MEI1: variants seen among roughly 807,000 people sequenced by gnomAD.
MEI1 encodes the protein meiosis inhibitor protein 1.
MEI1 carries 103 observed loss-of-function variants against 146.2 expected under a neutral mutation model. The observed-to-expected ratio is 0.70, with a 90% CI of 0.60 to 0.83. MEI1 has a LOEUF of 0.83. Among genes scored for constraint, MEI1 ranks in the 40% least tolerant of loss-of-function variants. MEI1 has a pLI of 0.00. For missense variants in MEI1, 1,529 were observed against 1,533.0 expected, an observed-to-expected ratio of 1.00 and a Z score of 0.04; for synonymous variants, 652 against 628.2, an observed-to-expected ratio of 1.04 and a Z score of -0.57.
chr22:41,785,895 A>ATT (rs139546), intron 26 of MEI1, among the ~76,000 whole-genome samples: 3 of 124,028 alleles, frequency 2.4e-5, no homozygotes, highest in Non-Finnish European at 5.2e-5. Context: ...TTATTTTTTT[A>ATT]TTTTTTTATT....
At chr22:41,785,462 C>T (rs1366387612) in intron 26 of MEI1, among the ~76,000 whole-genome samples, 2 of 150,694 alleles carry the variant, frequency 1.3e-5, no homozygotes, top group African/African-American at 2.4e-5. Flanking sequence ...AAGGTTTTCA[C>T]TGTGTTAGCC....
intron 9 of MEI1, among the ~76,000 whole-genome samples, chr22:41,731,521 A>T (rs1601799883): frequency 6.6e-6 from 1 of 151,676 alleles, no homozygotes; most frequent in Non-Finnish European, 1.5e-5. Context: ...CACCTGGCTA[A>T]TTTTTTTGTA....
chr22:41,748,859 A>C (rs2073530818), intron 15 of MEI1, among the ~76,000 whole-genome samples: 1 of 151,358 alleles, frequency 6.6e-6, no homozygotes, highest in Non-Finnish European at 1.5e-5. Flanking sequence ...GCTGGAGTGC[A>C]GTGGTACGAA....
At chr22:41,746,193 G>A (rs1448491579) in intron 14 of MEI1, 167 bp downstream of exon 14, 2 of 538,050 alleles carry the variant, frequency 3.7e-6, no homozygotes, top group African/African-American at 3.8e-5. Context: ...ATAAAATGTA[G>A]TGTTTGATTA....
chr22:41,772,378 C>T (rs1453106015), intron 20 of MEI1, among the ~76,000 whole-genome samples: 2 of 152,284 alleles, frequency 1.3e-5, no homozygotes, highest in South Asian at 2.1e-4. Context: ...CGTGGCAGCT[C>T]ATGCCTATAA....
At chr22:41,712,672 A>ATGTGTGTGTGTGTGTGTGTGTG (rs140926503) in intron 3 of MEI1, among the ~76,000 whole-genome samples, 3 of 147,004 alleles carry the variant, frequency 2.0e-5, no homozygotes, top group African/African-American at 7.5e-5. Context: ...ATAGAAATAG[A>ATGTGTGTGTGTGTGTGTGTGTG]TGTGTGTGTG....
Position 41,754,016 on chromosome 22 carries a change from C to T in MEI1, c.1921C>T (p.Pro641Ser), listed in dbSNP as rs1484513381. Residue 641 changes from proline to serine, a missense_variant, in exon 17 of 31, where the codon CCA (proline) becomes TCA (serine). Physicochemically the swap from Pro to Ser is moderately conservative, Grantham distance 74. Coordinates refer to ENST00000401548, the MANE Select transcript of MEI1 (RefSeq NM_152513.4). Reference sequence around the variant, plus strand: ...TATGTGCCTCAACCTTCTCTCAGCTCCAGAGAAGACAGGACCACCTTCCAA... The same window carrying T: ...TATGTGCCTCAACCTTCTCTCAGCTTCAGAGAAGACAGGACCACCTTCCAA... ...YYMCLNLLSA[P>S]EKTGPPSKEE... 2 of 1,613,272 alleles carry T rather than the reference C, an allele frequency of 1.2e-6. No homozygotes were observed. The highest frequency in any genetic ancestry group is 2.7e-5 in the African/African-American group (2 of 74,906).
At chr22:41,782,444 G>C (rs1026853083) in intron 24 of MEI1, among the ~76,000 whole-genome samples, 2 of 152,188 alleles carry the variant, frequency 1.3e-5, no homozygotes, top group African/African-American at 2.4e-5. Context: ...GAGGAGAGCA[G>C]TGGACTTATC....
intron 14 of MEI1, among the ~76,000 whole-genome samples, chr22:41,746,684 T>G (rs2073312550): frequency 6.6e-6 from 1 of 152,162 alleles, no homozygotes; most frequent in Admixed American, 6.6e-5. Context: ...TTGGGCATCC[T>G]ATGAGCCTGT....
rs985785359 is a variant in MEI1 at position 41,737,275 on chromosome 22, C to G, written c.1331+4672C>G. On this transcript the variant is annotated intron_variant, in intron 11 of 30. Coordinates refer to ENST00000401548, the MANE Select transcript of MEI1 (RefSeq NM_152513.4). ...TTTTTGAGACGGAGTCTTGCTCTGT[C>G]GCCCAGGCTGGAGTGCAGTGGCGCG... Among the ~76,000 whole-genome samples, 4 of 151,458 alleles carry G rather than the reference C, an allele frequency of 2.6e-5. No homozygotes were observed. The South Asian group carries it at 6.3e-4, about 24-fold the overall frequency.
At chr22:41,788,475 C>CT (rs377200826) in intron 26 of MEI1, among the ~76,000 whole-genome samples, 18 of 152,204 alleles carry the variant, frequency 1.2e-4, no homozygotes, top group African/African-American at 4.3e-4. Flanking sequence ...TAGTCTTGCT[C>CT]TGTCACCCAG....
rs192371667 is a variant in MEI1 at position 41,724,694 on chromosome 22, G to A, written c.864+621G>A. 2.0e-3 allele frequency among the ~76,000 whole-genome samples: 305 copies of A among 152,216 alleles called. 2 individuals carry two copies. Among genetic ancestry groups the A allele is most frequent in the Middle Eastern group, 0.017 (5 of 294 alleles). On this transcript the variant is annotated intron_variant, in intron 7 of 30. Coordinates refer to ENST00000401548, the MANE Select transcript of MEI1 (RefSeq NM_152513.4). ...TAATCCCAGCTACTCAGGAGGCTGA[G>A]GTGGGAGGATTGCTCGAACCCAGGA...
chr22:41,735,852 C>T (rs1242258005), intron 11 of MEI1, among the ~76,000 whole-genome samples: 2 of 152,306 alleles, frequency 1.3e-5, no homozygotes, highest in East Asian at 3.9e-4. Context: ...TGCTCTCAGC[C>T]ACTCACAGAG....
At chr22:41,723,554 T>G (rs886970494) in intron 6 of MEI1, among the ~76,000 whole-genome samples, 3 of 152,038 alleles carry the variant, frequency 2.0e-5, no homozygotes, top group African/African-American at 7.2e-5. Context: ...CCTACAGGAG[T>G]GTATGCTCCC....
rs768697554 is a variant in MEI1 at position 41,753,976 on chromosome 22, C to T, written c.1881C>T (p.Ser627=). Residue 627 remains serine, a synonymous_variant, in exon 17 of 31, where the codon TCC becomes TCT. Transcript: ENST00000401548. ...ACTCAGCCCTAAACCAGGTGTGTTC[C>T]AATTTCCTCTACTATATGTGCCTCA... ...LSHSALNQVC[S]NFLYYMCLNL... 1.9e-6 allele frequency: 3 copies of T among 1,613,534 alleles called. No homozygotes were observed. In the South Asian group the frequency reaches 3.3e-5, roughly 18 times the overall value.
At chr22:41,762,032 T>C (rs1216012350) in intron 18 of MEI1, among the ~76,000 whole-genome samples, 1 of 152,232 alleles carries the variant, frequency 6.6e-6, no homozygotes, top group Non-Finnish European at 1.5e-5. Flanking sequence ...TTTATTCACC[T>C]ATTGGTGGAC....
intron 22 of MEI1, among the ~76,000 whole-genome samples, chr22:41,779,466 A>T (rs903260084): frequency 1.3e-5 from 2 of 152,102 alleles, no homozygotes; most frequent in Non-Finnish European, 2.9e-5. Flanking sequence ...AAACAAACAA[A>T]TCTGTATGAC....
At chr22:41,726,045 C>T (rs1007166256) in intron 7 of MEI1, among the ~76,000 whole-genome samples, 3 of 152,018 alleles carry the variant, frequency 2.0e-5, no homozygotes, top group South Asian at 2.1e-4. Flanking sequence ...TTTGGGAGAC[C>T]GGGACGGGTG....
At chr22:41,755,444 C>T (rs1444473931) in intron 17 of MEI1, among the ~76,000 whole-genome samples, 1 of 152,178 alleles carries the variant, frequency 6.6e-6, no homozygotes, top group Non-Finnish European at 1.5e-5. Flanking sequence ...ACTATGCTGG[C>T]TACTCCTTTC....
Sources: gnomAD v4.1 joint callset for allele counts (sites outside exome capture counted in the v4.1 genomes callset) on GRCh38, gnomAD v4.1.1 for gene constraint, MANE v1.5 for transcripts, NCBI Gene and HGNC (gene_info 2026-07-23, HGNC 2026-07-21) for gene names.